MRPS35: variants seen among roughly 807,000 people sequenced by gnomAD.
The protein encoded by MRPS35 is mitochondrial ribosomal protein S35.
In MRPS35, 29 loss-of-function variants were observed where a neutral mutation model predicts 32.7. That is an observed-to-expected ratio of 0.89 (90% CI 0.66 to 1.21). The LOEUF is 1.21. MRPS35 is among the 50% of genes most tolerant of loss of function. The pLI is 0.00. For synonymous variants in MRPS35, 148 were observed against 139.3 expected, an observed-to-expected ratio of 1.06 and a Z score of -0.44; for missense variants, 373 against 383.8, an observed-to-expected ratio of 0.97 and a Z score of 0.23.
At chr12:27,753,657 C>G (rs553153295) in intron 7 of MRPS35, among the ~76,000 whole-genome samples, 1 of 152,030 alleles carries the variant, frequency 6.6e-6, no homozygotes, top group African/African-American at 2.4e-5. Flanking sequence ...AGTTGTTATT[C>G]AGAATAATAG....
At chr12:27,726,995 C>G (rs1459187662) in intron 5 of MRPS35, among the ~76,000 whole-genome samples, 11 of 132,408 alleles carry the variant, frequency 8.3e-5, no homozygotes, top group Non-Finnish European at 1.4e-4. Context: ...GAGTCTCACT[C>G]TGTCACCCAG....
chr12:27,753,372 CTAT>C (rs3058803), intron 7 of MRPS35, among the ~76,000 whole-genome samples: 18,348 of 152,062 alleles, frequency 0.12, 1,355 homozygotes, highest in East Asian at 0.18. Flanking sequence ...CCCCAGTGGC[CTAT>C]TATTTGTGAT....
Position 27,752,087 on chromosome 12 carries a change from AAT to A in MRPS35, c.703-3092_703-3091del, listed in dbSNP as rs1491094318. Among the ~76,000 whole-genome samples, 125 of 88,534 alleles carry A rather than the reference AAT, an allele frequency of 1.4e-3. 2 individuals are homozygous for A. The highest frequency in any genetic ancestry group is 4.6e-3 in the African/African-American group (71 of 15,304). 58.1% of individuals were successfully genotyped at this position (88,534 alleles called of 152,430 possible). A position where few individuals can be genotyped will look rare whatever the true frequency, so the allele number is the denominator to read the frequency against. On this transcript the variant is annotated intron_variant, in intron 7 of 7. Transcript: ENST00000081029. ...AAGACCCTGTCTCTACAAAAAAAAA[AAT>A]AAAATAAAATTAGCTGGGCATGATA...
In MRPS35 at chr12:27,737,927, T is replaced by A. The variant is rs575647474; in HGVS notation, c.702+319T>A. ...ATGAAGAGAATAATAATTATCTGTA[T>A]AATTTGAGAATTTATAATTCATCCT... On this transcript the variant is annotated intron_variant, in intron 7 of 7. Coordinates refer to ENST00000081029, the MANE Select transcript of MRPS35 (RefSeq NM_021821.4). 2.6e-5 allele frequency among the ~76,000 whole-genome samples: 4 copies of A among 152,354 alleles called. No individual in the cohort carries two copies. The East Asian group carries it at 7.7e-4, about 29-fold the overall frequency.
At chr12:27,748,977 G>A (rs1027086883) in intron 7 of MRPS35, among the ~76,000 whole-genome samples, 1 of 152,156 alleles carries the variant, frequency 6.6e-6, no homozygotes, top group Non-Finnish European at 1.5e-5. Flanking sequence ...AACATAGTGA[G>A]ACTCCACCTC....
At chr12:27,751,700 G>A (rs2062004749) in intron 7 of MRPS35, among the ~76,000 whole-genome samples, 1 of 152,166 alleles carries the variant, frequency 6.6e-6, no homozygotes, top group East Asian at 1.9e-4. Flanking sequence ...CTTTCTCTGG[G>A]CACCAGTGCC....
intron 5 of MRPS35, among the ~76,000 whole-genome samples, chr12:27,729,806 T>C (rs2061914436): frequency 6.6e-6 from 1 of 151,596 alleles, no homozygotes; most frequent in African/African-American, 2.4e-5. Flanking sequence ...ATGAGATCCC[T>C]ACTGTTACTC....
intron 1 of MRPS35, among the ~76,000 whole-genome samples, chr12:27,712,766 C>T (rs2061833575): frequency 6.6e-6 from 1 of 152,206 alleles, no homozygotes; most frequent in Non-Finnish European, 1.5e-5. Flanking sequence ...CCTGTAATCC[C>T]AGCACTGTGG....
intron 3 of MRPS35, among the ~76,000 whole-genome samples, chr12:27,719,414 CCCAGCA>C (rs2061863906): frequency 6.6e-6 from 1 of 152,134 alleles, no homozygotes; most frequent in Non-Finnish European, 1.5e-5. Context: ...CGCCTGTAAT[CCCAGCA>C]CTTTGGGAGG....
intron 5 of MRPS35, among the ~76,000 whole-genome samples, chr12:27,731,985 A>G (rs940769624): frequency 3.9e-5 from 6 of 152,358 alleles, no homozygotes; most frequent in Non-Finnish European, 5.9e-5. Context: ...TAAATCACAA[A>G]GACAGTATAT....
intron 7 of MRPS35, among the ~76,000 whole-genome samples, chr12:27,748,935 CTT>C (rs1468074182): frequency 1.3e-5 from 2 of 152,156 alleles, no homozygotes; most frequent in Non-Finnish European, 2.9e-5. Flanking sequence ...GGGAGAATCA[CTT>C]GAGCCCAGGA....
In MRPS35 at chr12:27,714,813, G is replaced by A; in HGVS notation, c.146G>A (p.Arg49Lys). 1 of 1,610,752 alleles carries A rather than the reference G, an allele frequency of 6.2e-7. No homozygotes were observed. Among genetic ancestry groups the A allele is most frequent in the East Asian group, 2.2e-5 (1 of 44,832 alleles). The stretch of plus-strand genomic sequence containing the variant: ...ACACCCGGAAATGAAAGGCCACCAA[G>A]AAGAAAGGTAAAAAGTTCGTATACT... ...ERTPGNERPP[R>K]RKALPPRTEK... The change falls in exon 2 of 8, where the codon AGA (arginine) becomes AAA (lysine). Residue 49 changes from arginine (R) to lysine (K), a missense_variant. By Grantham distance (26) the Arg-to-Lys change is conservative. Coordinates refer to ENST00000081029, the MANE Select transcript of MRPS35 (RefSeq NM_021821.4).
At chr12:27,717,996 C>T (rs183727504) in intron 3 of MRPS35, among the ~76,000 whole-genome samples, 103 of 152,242 alleles carry the variant, frequency 6.8e-4, no homozygotes, top group African/African-American at 2.1e-3. Flanking sequence ...TCACTCTGAT[C>T]TGTTAAAAGT....
intron 7 of MRPS35, among the ~76,000 whole-genome samples, chr12:27,738,840 T>G (rs969685630): frequency 6.6e-6 from 1 of 151,958 alleles, no homozygotes; most frequent in Non-Finnish European, 1.5e-5. Context: ...TTACATTTGT[T>G]TTTAATGACT....
At position 27,755,183 on chromosome 12, in the gene MRPS35, T is replaced by C; in HGVS notation, c.705T>C (p.Asn235=). The C allele has an allele frequency of 6.5e-7, 1 of 1,526,860 alleles. No homozygotes were observed. Among genetic ancestry groups the C allele is most frequent in the Non-Finnish European group, 8.7e-7 (1 of 1,144,670 alleles). The allele number at this position is 1,526,860 out of a possible 1,614,324, so 94.6% of individuals were successfully genotyped here. ...LLTVLYHESW[N]TEEWEKSKTE... The stretch of plus-strand genomic sequence containing the variant: ...TTTTTTGTTTTGTTTTGTTTCAGAA[T>C]ACTGAAGAATGGGAAAAAAGTAAGA... The change falls in exon 8 of 8, where the codon AAT becomes AAC. Residue 235 remains asparagine, a splice_region_variant and synonymous_variant. Transcript: ENST00000081029.
At chr12:27,712,889 A>G (rs2061834005) in intron 1 of MRPS35, among the ~76,000 whole-genome samples, 1 of 152,310 alleles carries the variant, frequency 6.6e-6, no homozygotes, top group Admixed American at 6.5e-5. Flanking sequence ...GTGGTGGCCC[A>G]TGCCTGTAGT....
intron 5 of MRPS35, among the ~76,000 whole-genome samples, chr12:27,729,089 CATT>C (rs1428032782): frequency 2.0e-5 from 3 of 152,080 alleles, no homozygotes; most frequent in Non-Finnish European, 4.4e-5. Context: ...CAAGTAAAAT[CATT>C]ATTCTTTTTG....
intron 5 of MRPS35, among the ~76,000 whole-genome samples, chr12:27,729,329 G>A (rs1315245742): frequency 6.6e-6 from 1 of 152,082 alleles, no homozygotes; most frequent in African/African-American, 2.4e-5. Context: ...CCATGATCTG[G>A]ATGCTAGGAC....
At chr12:27,753,067 T>G (rs917300600) in intron 7 of MRPS35, 1 of 151,700 alleles carries the variant, frequency 6.6e-6, no homozygotes, top group Non-Finnish European at 1.5e-5. Context: ...ACCAGATTTT[T>G]TTTAAAAGAG....
Sources: gnomAD v4.1 joint callset for allele counts (sites outside exome capture counted in the v4.1 genomes callset) on GRCh38, gnomAD v4.1.1 for gene constraint, MANE v1.5 for transcripts, NCBI Gene and HGNC (gene_info 2026-07-23, HGNC 2026-07-21) for gene names.